DOCK1: variants seen among roughly 807,000 people sequenced by gnomAD.
DOCK1 encodes dedicator of cytokinesis protein 1.
A neutral mutation model predicts 262.7 loss-of-function variants in DOCK1; 138 were observed. The ratio of observed to expected loss-of-function variants is 0.53; its 90% CI spans 0.46 to 0.61. The LOEUF is 0.61. Ranked by LOEUF, DOCK1 falls within the 20% of genes least tolerant of loss-of-function variation. The probability of loss-of-function intolerance (pLI) is 0.00; values close to 1 mark genes in which losing one functional copy is unlikely to be tolerated. For synonymous variants in DOCK1, 866 were observed against 867.4 expected (o/e 1.00, Z 0.03); for missense variants, 1,908 against 2,370.7 (o/e 0.80, Z 4.05).
intron 22 of DOCK1, among the ~76,000 whole-genome samples, chr10:127,059,149 C>T (rs1329446488): frequency 6.6e-6 from 1 of 152,110 alleles, no homozygotes; most frequent in Non-Finnish European, 1.5e-5. Context: ...TGATTTCCTT[C>T]ATTTATAGTA....
At chr10:126,936,367 C>A (rs1230840726) in intron 1 of DOCK1, among the ~76,000 whole-genome samples, 1 of 152,214 alleles carries the variant, frequency 6.6e-6, no homozygotes, top group Non-Finnish European at 1.5e-5. Flanking sequence ...AGCTACTCAG[C>A]TCTGCCATTG....
chr10:127,398,707 G>C (rs939873917), intron 38 of DOCK1, among the ~76,000 whole-genome samples: 1 of 152,182 alleles, frequency 6.6e-6, no homozygotes, highest in Admixed American at 6.5e-5. Flanking sequence ...CCACTGGTGA[G>C]TTACTTACAG....
intron 25 of DOCK1, among the ~76,000 whole-genome samples, chr10:127,118,955 G>A (rs891414683): frequency 2.6e-5 from 4 of 152,066 alleles, no homozygotes; most frequent in South Asian, 2.1e-4. Flanking sequence ...TTTGCTTTGC[G>A]TCTGTTATGT....
rs556843445 is a variant in DOCK1, at chr10:127,176,568, G to A, written c.2847+48804G>A. Among the ~76,000 whole-genome samples the A allele has an allele frequency of 1.3e-5, 2 of 152,332 alleles. No homozygotes were observed. Among genetic ancestry groups the A allele is most frequent in the African/African-American group, 4.8e-5 (2 of 41,572 alleles). The stretch of plus-strand genomic sequence containing the variant: ...AAATCACACGGGCTGAGAGTCGCTG[G>A]CAGCACAGCTTGAAATGCTTCTCAG... On this transcript the variant is annotated intron_variant, in intron 27 of 51. Transcript: ENST00000623213. The surrounding 1 kb of genome is among the most constrained non-coding windows in gnomAD (Gnocchi z 4.4).
chr10:127,031,075 G>A (rs1015638615), intron 16 of DOCK1, among the ~76,000 whole-genome samples: 13 of 152,206 alleles, frequency 8.5e-5, no homozygotes, highest in African/African-American at 2.7e-4. Flanking sequence ...TCACATTGGG[G>A]TCGTTAGTCC....
chr10:127,321,897 G>T (rs1424424219), intron 29 of DOCK1, among the ~76,000 whole-genome samples: 2 of 152,044 alleles, frequency 1.3e-5, no homozygotes, highest in Admixed American at 6.5e-5. Flanking sequence ...GAGGTCAGGG[G>T]TACAAGACCA....
intron 27 of DOCK1, among the ~76,000 whole-genome samples, chr10:127,180,796 A>C (rs1205472791): frequency 6.6e-6 from 1 of 152,250 alleles, no homozygotes; most frequent in Non-Finnish European, 1.5e-5. Flanking sequence ...ATTATTTAGT[A>C]TCATAGAAAA....
intron 27 of DOCK1, among the ~76,000 whole-genome samples, chr10:127,198,871 C>G (rs1479404929): frequency 1.3e-5 from 2 of 151,656 alleles, no homozygotes; most frequent in African/African-American, 2.4e-5. Flanking sequence ...GAGAGATATT[C>G]CACATGGGTG....
chr10:126,944,289 G>T (rs937685998), intron 1 of DOCK1, among the ~76,000 whole-genome samples: 1 of 152,112 alleles, frequency 6.6e-6, no homozygotes, highest in African/African-American at 2.4e-5. Flanking sequence ...TCAGGGTACA[G>T]TTCTTCCCCA....
chr10:127,444,190 G>T lies in DOCK1; in HGVS notation c.5324G>T (p.Arg1775Leu), dbSNP rs756712008. ...QVMNVIGSER[R>L]FSVSPSSPSS... Reference sequence around the variant, plus strand: ...ATGAACGTCATTGGAAGCGAAAGGCGCTTCTCGGTGTCCCCCTCGTCACCG... The same window carrying T: ...ATGAACGTCATTGGAAGCGAAAGGCTCTTCTCGGTGTCCCCCTCGTCACCG... Residue 1775 changes from arginine (R) to leucine (L), a missense_variant, in exon 50 of 52, where the codon CGC becomes CTC. By Grantham distance (102) the Arg-to-Leu change is moderately radical (BLOSUM62 -2). Coordinates refer to ENST00000623213, the MANE Select transcript of DOCK1 (RefSeq NM_001290223.2). 2 of 1,606,014 alleles carry T rather than the reference G, an allele frequency of 1.2e-6. No individual in the cohort carries two copies. Among genetic ancestry groups the T allele is most frequent in the Non-Finnish European group, 1.7e-6 (2 of 1,176,986 alleles).
At chr10:127,209,863 T>A (rs2057896143) in intron 27 of DOCK1, among the ~76,000 whole-genome samples, 1 of 152,142 alleles carries the variant, frequency 6.6e-6, no homozygotes, top group Non-Finnish European at 1.5e-5. Context: ...CACACACACC[T>A]AAATACGCAG....
intron 25 of DOCK1, among the ~76,000 whole-genome samples, chr10:127,121,355 T>G (rs1052993499): frequency 6.6e-6 from 1 of 151,880 alleles, no homozygotes; most frequent in African/African-American, 2.4e-5. Context: ...ATTCAGGACA[T>G]TTAGGTGTGT....
rs1565064797 is a variant in DOCK1 at position 127,404,310 on chromosome 10, C to T, written c.4018-15C>T. On this transcript the variant is annotated splice_polypyrimidine_tract_variant and intron_variant, in intron 39 of 51. Coordinates refer to ENST00000623213, the MANE Select transcript of DOCK1 (RefSeq NM_001290223.2). ...AATACTCAAACCTGAAATGCATTTT[C>T]TTTTTTCCTTCCAGAAAAAACAGGC... 13 of 1,604,828 alleles carry T rather than the reference C, an allele frequency of 8.1e-6. No homozygotes were observed. Among genetic ancestry groups the T allele is most frequent in the Non-Finnish European group, 1.0e-5 (12 of 1,174,212 alleles).
chr10:127,401,365 C>G (rs1057046995), intron 38 of DOCK1, among the ~76,000 whole-genome samples: 1 of 152,118 alleles, frequency 6.6e-6, no homozygotes, highest in African/African-American at 2.4e-5. Flanking sequence ...GAGACCGAGG[C>G]AAGTTTCAGA....
At chr10:126,930,262 A>G (rs1333374007) in intron 1 of DOCK1, among the ~76,000 whole-genome samples, 2 of 152,186 alleles carry the variant, frequency 1.3e-5, no homozygotes, top group Admixed American at 1.3e-4. Context: ...TGCTGGGAAC[A>G]TTCATGTCCA....
chr10:126,918,542 T>C (rs2032783110), intron 1 of DOCK1, among the ~76,000 whole-genome samples: 4 of 152,236 alleles, frequency 2.6e-5, no homozygotes, highest in Admixed American at 1.3e-4. Context: ...TCCTGTACCT[T>C]GCTGGATACT....
chr10:127,014,149 C>T (rs1396792013), intron 12 of DOCK1, among the ~76,000 whole-genome samples: 1 of 151,736 alleles, frequency 6.6e-6, no homozygotes, highest in Non-Finnish European at 1.5e-5. Context: ...AACATGTTTC[C>T]TCTTCACAAG....
chr10:127,361,103 G>GTTTT (rs2064399080), intron 32 of DOCK1, among the ~76,000 whole-genome samples: 2 of 136,328 alleles, frequency 1.5e-5, no homozygotes, highest in African/African-American at 5.6e-5. Flanking sequence ...TAATAAAGTA[G>GTTTT]TTCTTTTTTT....
intron 50 of DOCK1, 63 bp downstream of exon 50, chr10:127,444,342 G>T (rs1056800196): frequency 1.3e-6 from 2 of 1,514,176 alleles, no homozygotes; most frequent in East Asian, 2.3e-5. Context: ...CTCACTGAAG[G>T]CTCTGAGGTT....
Sources: allele counts gnomAD v4.1 joint callset (sites outside exome capture counted in the v4.1 genomes callset), GRCh38; gene constraint gnomAD v4.1.1; non-coding constraint Gnocchi (gnomAD v3.1); transcripts MANE v1.5; gene names NCBI Gene and HGNC (gene_info 2026-07-23, HGNC 2026-07-21).